Variants in ANO1 observed in about 807,000 individuals in gnomAD.
ANO1 encodes anoctamin 1.
A neutral mutation model predicts 124.0 loss-of-function variants in ANO1; 59 were observed. The observed-to-expected ratio is 0.48, with a 90% CI of 0.39 to 0.59. ANO1 has a LOEUF of 0.59. Ranked by LOEUF, ANO1 falls within the 20% of genes least tolerant of loss-of-function variation. The probability of loss-of-function intolerance (pLI) is 0.00; values close to 1 mark genes in which losing one functional copy is unlikely to be tolerated. For missense variants in ANO1, 1,059 were observed against 1,328.0 expected, an observed-to-expected ratio of 0.80 and a Z score of 3.15; for synonymous variants, 529 against 532.0, an observed-to-expected ratio of 0.99 and a Z score of 0.08.
chr11:70,000,556 C>T (rs1487900243), intron 1 of ANO1, among the ~76,000 whole-genome samples: 3 of 151,390 alleles, frequency 2.0e-5, no homozygotes, highest in Non-Finnish European at 4.4e-5. Context: ...GAACCCTTGC[C>T]TACTGCTCAT....
Position 70,165,474 on chromosome 11 carries a change from C to A in ANO1, c.1955C>A (p.Ala652Glu), listed in dbSNP as rs746897383. 2 of 1,607,844 alleles carry A rather than the reference C, an allele frequency of 1.2e-6. No individual in the cohort carries two copies. Among genetic ancestry groups the A allele is most frequent in the Non-Finnish European group, 8.5e-7 (1 of 1,177,326 alleles). The part of the protein sequence containing the change: ...IFRSFRMEEC[A>E]PGGCLMELCI... ...GATGCTGCTCTCTGTCCACAGTGTGCGCCAGGGGGCTGCCTGATGGAGCTA... is the reference window on the plus strand; with the variant it reads ...GATGCTGCTCTCTGTCCACAGTGTGAGCCAGGGGGCTGCCTGATGGAGCTA... Residue 652 changes from alanine (A) to glutamate (E), a missense_variant, in exon 20 of 26, where the codon GCG becomes GAG. By Grantham distance (107) the Ala-to-Glu change is moderately radical. Around this residue, in one of 2 missense-constraint regions of ANO1, gnomAD observed 809 missense variants for 1,094.9 expected, o/e 0.74. Coordinates refer to ENST00000355303, the MANE Select transcript of ANO1 (RefSeq NM_018043.7).
chr11:70,147,659 G>T (rs1164669306), intron 11 of ANO1, among the ~76,000 whole-genome samples: 1 of 152,208 alleles, frequency 6.6e-6, no homozygotes, highest in Non-Finnish European at 1.5e-5. Flanking sequence ...CAGAGATATT[G>T]CTCCCCATCT....
At chr11:70,048,211 C>T (rs1377862793) in intron 1 of ANO1, among the ~76,000 whole-genome samples, 1 of 152,184 alleles carries the variant, frequency 6.6e-6, no homozygotes, top group African/African-American at 2.4e-5. Flanking sequence ...TAAACATTTA[C>T]CCAATGGTTG....
intron 1 of ANO1, among the ~76,000 whole-genome samples, chr11:70,038,304 A>G (rs1857127252): frequency 6.6e-6 from 1 of 152,000 alleles, no homozygotes; most frequent in Non-Finnish European, 1.5e-5. Context: ...CCCTTTGCCT[A>G]TTTAGAAAAG....
At chr11:70,177,340 A>G (rs2048742071) in intron 22 of ANO1, among the ~76,000 whole-genome samples, 1 of 152,232 alleles carries the variant, frequency 6.6e-6, no homozygotes, top group South Asian at 2.1e-4. Flanking sequence ...CTTCATGGCC[A>G]CAGAGCAGTG....
intron 13 of ANO1, among the ~76,000 whole-genome samples, chr11:70,152,757 A>G (rs772456294): frequency 2.0e-5 from 3 of 152,232 alleles, no homozygotes; most frequent in Non-Finnish European, 4.4e-5. Flanking sequence ...TCTCAGGGCC[A>G]GTTCATGGCT....
At chr11:70,049,191 GGAA>G (rs1384440905) in intron 1 of ANO1, among the ~76,000 whole-genome samples, 2 of 152,088 alleles carry the variant, frequency 1.3e-5, no homozygotes, top group African/African-American at 4.8e-5. Context: ...AGTGGGAGCT[GGAA>G]GCTCAGCTCC....
chr11:70,010,179 G>GTATGTGTGTGTATATATATATA lies in ANO1; in HGVS notation c.58+24016_58+24017insGTGTGTGTATATATATATATAT, dbSNP rs1188271051. 4.4e-3 allele frequency among the ~76,000 whole-genome samples: 372 copies of GTATGTGTGTGTATATATATATA among 83,764 alleles called. 65 individuals carry two copies. In the East Asian group the frequency reaches 0.084, roughly 19 times the overall value. The allele number at this position is 83,764 out of a possible 152,430, so 55.0% of individuals were successfully genotyped here. The stretch of plus-strand genomic sequence containing the variant: ...TGTGTGTGTGTGCGCGTGTGTGTGT[G>GTATGTGTGTGTATATATATATA]TATATATATATATATATATCACATT... On this transcript the variant is annotated intron_variant, in intron 1 of 27. Transcript: ENST00000531349.
At chr11:70,030,791 G>A (rs1247160969) in intron 1 of ANO1, among the ~76,000 whole-genome samples, 2 of 152,152 alleles carry the variant, frequency 1.3e-5, no homozygotes, top group Non-Finnish European at 2.9e-5. Flanking sequence ...TGGGAACATG[G>A]ACATCTCTGG....
intron 11 of ANO1, among the ~76,000 whole-genome samples, chr11:70,134,733 T>C (rs1239305794): frequency 6.6e-6 from 1 of 152,188 alleles, no homozygotes; most frequent in Non-Finnish European, 1.5e-5. Flanking sequence ...CCATGTGTAC[T>C]GAGCACAATG....
intron 1 of ANO1, among the ~76,000 whole-genome samples, chr11:69,989,442 C>T (rs1260888734): frequency 6.6e-6 from 1 of 151,274 alleles, no homozygotes; most frequent in South Asian, 2.1e-4. Flanking sequence ...CCAGCACGTG[C>T]GTCTTCTTCT....
chr11:70,188,049 TG>T lies in ANO1; in HGVS notation c.*48del, dbSNP rs1398237724. ...CAGGCCAGCCGGGCATCCTGACCGA[TG>T]GGCACCCTCTCCCAGGGCAGGCGGC... On this transcript the variant is annotated 3_prime_UTR_variant, in exon 26 of 26. Transcript: ENST00000355303. 6.5e-7 allele frequency: 1 copy of T among 1,528,584 alleles called. No homozygotes were observed. 94.7% of individuals were successfully genotyped at this position (1,528,584 alleles called of 1,614,324 possible). A position where few individuals can be genotyped will look rare whatever the true frequency, so the allele number is the denominator to read the frequency against.
chr11:70,132,073 C>A lies in ANO1; in HGVS notation c.1252C>A (p.Leu418Ile). The A allele has an allele frequency of 6.3e-7, 1 of 1,592,152 alleles. No homozygotes were observed. ...GGTCTTCTTCTCTGTCTTCATGGCCCTCTGGGGTAAGCAGGGCTCCAGAGC... is the reference window on the plus strand; with the variant it reads ...GGTCTTCTTCTCTGTCTTCATGGCCATCTGGGGTAAGCAGGGCTCCAGAGC... Reference protein sequence around the residue: ...ATVFFSVFMALWAATFMEHWK... With the variant: ...ATVFFSVFMAIWAATFMEHWK... Residue 418 changes from leucine to isoleucine, a missense_variant, in exon 11 of 26, where the codon CTC becomes ATC. Leu to Ile is a conservative substitution (Grantham distance 5, BLOSUM62 2). Around this residue, in one of 2 missense-constraint regions of ANO1, gnomAD observed 809 missense variants for 1,094.9 expected, o/e 0.74. Transcript: ENST00000355303.
chr11:70,036,367 A>G (rs1857093650), intron 1 of ANO1, among the ~76,000 whole-genome samples: 1 of 152,128 alleles, frequency 6.6e-6, no homozygotes, highest in South Asian at 2.1e-4. Flanking sequence ...ATCCAGGGTG[A>G]TCTCATCTTG....
At chr11:69,988,643 G>A (rs1242044002) in intron 1 of ANO1, among the ~76,000 whole-genome samples, 3 of 152,152 alleles carry the variant, frequency 2.0e-5, no homozygotes, top group African/African-American at 7.2e-5. Flanking sequence ...CAATTGATTG[G>A]TACAGATGCC....
Position 70,132,040 on chromosome 11 carries a change from C to G in ANO1, c.1219C>G (p.Pro407Ala). The change falls in exon 11 of 26, where the codon CCC (proline) becomes GCC (alanine). Residue 407 changes from proline (P) to alanine (A), a missense_variant. By Grantham distance (27) the Pro-to-Ala change is conservative (BLOSUM62 -1). This residue lies in a region of ANO1 where 809 missense variants were observed against 1,094.9 expected (regional missense o/e 0.74). Transcript: ENST00000355303. Reference sequence around the variant, plus strand: ...CCGCGCCAGCCACCTCTTCGACAACCCCGCCACGGTCTTCTTCTCTGTCTT... The same window carrying G: ...CCGCGCCAGCCACCTCTTCGACAACGCCGCCACGGTCTTCTTCTCTGTCTT... ...TARASHLFDN[P>A]ATVFFSVFMA... The G allele has an allele frequency of 6.2e-7, 1 of 1,603,148 alleles. No homozygotes were observed. Among genetic ancestry groups the G allele is most frequent in the South Asian group, 1.1e-5 (1 of 89,630 alleles).
intron 1 of ANO1, among the ~76,000 whole-genome samples, chr11:70,043,901 A>G (rs1409567213): frequency 6.6e-6 from 1 of 152,186 alleles, no homozygotes; most frequent in African/African-American, 2.4e-5. Flanking sequence ...CAGAATTAGT[A>G]TATAATAATA....
At chr11:70,021,864 T>C (rs573219685) in intron 1 of ANO1, among the ~76,000 whole-genome samples, 50 of 152,284 alleles carry the variant, frequency 3.3e-4, no homozygotes, top group African/African-American at 1.2e-3. Flanking sequence ...GCGTGCGAAC[T>C]GAATCCCAAA....
At chr11:70,063,706 T>G (rs551260850) in intron 1 of ANO1, 4 of 152,308 alleles carry the variant, frequency 2.6e-5, no homozygotes, top group Non-Finnish European at 2.9e-5. Flanking sequence ...CCCTCTCTTT[T>G]GATCATTTTT....
Sources: allele counts gnomAD v4.1 joint callset (sites outside exome capture counted in the v4.1 genomes callset), GRCh38; gene constraint gnomAD v4.1.1; regional missense constraint gnomAD v4.1.1; transcripts MANE v1.5; gene names NCBI Gene and HGNC (gene_info 2026-07-23, HGNC 2026-07-21).